The following TBC1D22A variants were observed in gnomAD, a reference collection of about 807,000 sequenced individuals.
TBC1D22A encodes TBC1 domain family member 22A.
In TBC1D22A, 38 loss-of-function variants were observed where a neutral mutation model predicts 60.2. The ratio of observed to expected loss-of-function variants is 0.63; its 90% CI spans 0.49 to 0.83. The LOEUF (loss-of-function observed/expected upper bound fraction) is 0.83, where lower values mean the gene tolerates loss of function less well. Among genes scored for constraint, TBC1D22A ranks in the 40% least tolerant of loss-of-function variants. The probability of loss-of-function intolerance (pLI) is 0.00; values close to 1 mark genes in which losing one functional copy is unlikely to be tolerated. For missense variants in TBC1D22A, 628 were observed against 701.0 expected (o/e 0.90, Z 1.18); for synonymous variants, 302 against 281.7 (o/e 1.07, Z -0.72).
intron 11 of TBC1D22A, among the ~76,000 whole-genome samples, chr22:47,060,793 C>T (rs1018693962): frequency 6.6e-6 from 1 of 152,178 alleles, no homozygotes; most frequent in East Asian, 1.9e-4. Flanking sequence ...GGAGTCAGTC[C>T]AGCAGCAGGT....
At chr22:46,864,290 G>T (rs2066948170) in intron 4 of TBC1D22A, among the ~76,000 whole-genome samples, 1 of 152,202 alleles carries the variant, frequency 6.6e-6, no homozygotes, top group Admixed American at 6.5e-5. Flanking sequence ...AGCATCTGTG[G>T]CTCTCTCATG....
chr22:47,074,687 A>C (rs747464015), intron 11 of TBC1D22A, among the ~76,000 whole-genome samples: 4 of 152,160 alleles, frequency 2.6e-5, no homozygotes, highest in Non-Finnish European at 5.9e-5. Flanking sequence ...GCACTGTCTG[A>C]ATTCTGTTCT....
intron 11 of TBC1D22A, among the ~76,000 whole-genome samples, chr22:47,079,194 C>A (rs917922809): frequency 6.7e-6 from 1 of 149,086 alleles, no homozygotes; most frequent in East Asian, 2.0e-4. Flanking sequence ...TCAAGCAATT[C>A]TCCTGTCTCA....
chr22:47,161,100 T>C (rs1393067032), intron 12 of TBC1D22A, among the ~76,000 whole-genome samples: 2 of 152,198 alleles, frequency 1.3e-5, no homozygotes, highest in African/African-American at 4.8e-5. Flanking sequence ...CAGGTGACCA[T>C]GGAGGTGTAC....
intron 10 of TBC1D22A, among the ~76,000 whole-genome samples, chr22:47,036,765 C>T (rs537639128): frequency 4.6e-5 from 7 of 152,276 alleles, no homozygotes; most frequent in African/African-American, 9.6e-5. Context: ...TGGAGCCCCA[C>T]GGTGTGGGTG....
intron 7 of TBC1D22A, among the ~76,000 whole-genome samples, chr22:46,909,331 C>G (rs1326935503): frequency 2.6e-5 from 4 of 152,226 alleles, no homozygotes; most frequent in African/African-American, 7.2e-5. Flanking sequence ...CTCACTCACT[C>G]ACACCCAGCA....
At chr22:46,813,773 G>T (rs540419943) in intron 4 of TBC1D22A, among the ~76,000 whole-genome samples, 1 of 152,354 alleles carries the variant, frequency 6.6e-6, no homozygotes, top group South Asian at 2.1e-4. Context: ...AATAGCTGCA[G>T]AGAAGTTATC....
intron 8 of TBC1D22A, among the ~76,000 whole-genome samples, chr22:46,957,252 G>A (rs1602660402): frequency 6.6e-6 from 1 of 152,346 alleles, no homozygotes; most frequent in East Asian, 1.9e-4. Flanking sequence ...TTTGAGTAGT[G>A]CTGTATTAGT....
At chr22:46,984,908 A>T (rs2074663612) in intron 9 of TBC1D22A, among the ~76,000 whole-genome samples, 1 of 152,138 alleles carries the variant, frequency 6.6e-6, no homozygotes, top group African/African-American at 2.4e-5. Flanking sequence ...TGTTAATACC[A>T]GGGAGGCGAC....
At position 47,175,629 on chromosome 22, in the gene TBC1D22A, G is replaced by T. The variant is rs2068657082; in HGVS notation, c.*2003G>T. On this transcript the variant is annotated 3_prime_UTR_variant, in exon 13 of 13. Coordinates refer to ENST00000337137, the MANE Select transcript of TBC1D22A (RefSeq NM_014346.5). ...CCTTAAGTCTGAGCAGATCCATCTG[G>T]AATGTTCGGGGTGTGCTGTCTGGAT... is the stretch of plus-strand genomic sequence containing the variant. 6.6e-6 allele frequency: 1 copy of T among 152,236 alleles called. No individual in the cohort carries two copies. 9.4% of individuals were successfully genotyped at this position (152,236 alleles called of 1,614,324 possible).
chr22:47,118,617 T>C (rs1045589818), intron 12 of TBC1D22A, among the ~76,000 whole-genome samples: 2 of 151,964 alleles, frequency 1.3e-5, no homozygotes, highest in Non-Finnish European at 2.9e-5. Flanking sequence ...AATAAAAGAA[T>C]GAATGAGTAA....
chr22:47,122,342 C>T (rs1436779907), intron 12 of TBC1D22A, among the ~76,000 whole-genome samples: 1 of 152,202 alleles, frequency 6.6e-6, no homozygotes, highest in Non-Finnish European at 1.5e-5. Flanking sequence ...ATAAGGGCCA[C>T]ATTTCATTCA....
chr22:47,083,176 G>A (rs1351295565), intron 11 of TBC1D22A, among the ~76,000 whole-genome samples: 2 of 152,122 alleles, frequency 1.3e-5, no homozygotes, highest in Non-Finnish European at 2.9e-5. Context: ...TGGGTAGTGC[G>A]GGATTGCTGG....
chr22:46,765,950 C>G (rs1230710303), intron 1 of TBC1D22A, among the ~76,000 whole-genome samples: 1 of 141,796 alleles, frequency 7.1e-6, no homozygotes, highest in African/African-American at 2.7e-5. Flanking sequence ...CCACGCCCAG[C>G]TAATTTATGT....
At chr22:47,105,911 T>A (rs563502231) in intron 11 of TBC1D22A, among the ~76,000 whole-genome samples, 76 of 152,290 alleles carry the variant, frequency 5.0e-4, no homozygotes, top group African/African-American at 1.8e-3. Context: ...TCTACAGAGA[T>A]TTTAGAATTA....
intron 1 of TBC1D22A, among the ~76,000 whole-genome samples, chr22:46,782,247 G>T (rs1453220075): frequency 6.6e-6 from 1 of 152,178 alleles, no homozygotes; most frequent in Non-Finnish European, 1.5e-5. Context: ...TAGAGACGAG[G>T]TTTCACCATG....
intron 9 of TBC1D22A, among the ~76,000 whole-genome samples, chr22:46,980,899 T>C (rs2074488444): frequency 6.6e-6 from 1 of 152,134 alleles, no homozygotes; most frequent in African/African-American, 2.4e-5. Flanking sequence ...CAGAAAAAAG[T>C]AGAATAATGT....
intron 11 of TBC1D22A, among the ~76,000 whole-genome samples, chr22:47,050,281 A>C (rs543387093): frequency 1.3e-5 from 2 of 151,468 alleles, no homozygotes; most frequent in Admixed American, 6.6e-5. Context: ...CTGGGATTAC[A>C]GACATGAGCC....
At chr22:47,087,392 A>G (rs185879235) in intron 11 of TBC1D22A, among the ~76,000 whole-genome samples, 9 of 152,372 alleles carry the variant, frequency 5.9e-5, no homozygotes, top group Admixed American at 5.2e-4. Context: ...CAAATCAGAA[A>G]GCTATTCTTA....
Sources: gnomAD v4.1 joint callset for allele counts (sites outside exome capture counted in the v4.1 genomes callset) on GRCh38, gnomAD v4.1.1 for gene constraint, MANE v1.5 for transcripts, NCBI Gene and HGNC (gene_info 2026-07-23, HGNC 2026-07-21) for gene names.